Variants in TMPRSS11F observed in about 807,000 individuals in gnomAD.
TMPRSS11F encodes the protein transmembrane serine protease 11F.
Under a neutral mutation model 60.2 loss-of-function variants are expected in TMPRSS11F, and 47 were observed. The ratio of observed to expected loss-of-function variants is 0.78; its 90% CI spans 0.62 to 1.00. TMPRSS11F has a LOEUF of 1.00. Ranked by LOEUF, TMPRSS11F falls within the 50% of genes least tolerant of loss-of-function variation. The pLI is 0.00. For missense variants in TMPRSS11F, 519 were observed against 522.9 expected, an observed-to-expected ratio of 0.99 and a Z score of 0.07; for synonymous variants, 166 against 167.3, an observed-to-expected ratio of 0.99 and a Z score of 0.06.
At chr4:68,087,018 T>A (rs534945135) in intron 3 of TMPRSS11F, among the ~76,000 whole-genome samples, 72 of 152,216 alleles carry the variant, frequency 4.7e-4, no homozygotes, top group African/African-American at 1.7e-3. Flanking sequence ...CCCTAATTCA[T>A]TCAACAAAGC....
intron 9 of TMPRSS11F, among the ~76,000 whole-genome samples, chr4:68,057,429 T>C (rs1400347736): frequency 1.3e-5 from 2 of 151,908 alleles, no homozygotes; most frequent in Non-Finnish European, 2.9e-5. Flanking sequence ...AAAAACTCCA[T>C]GACATTGGTT....
intron 8 of TMPRSS11F, chr4:68,062,648 T>C: frequency 1.3e-6 from 1 of 785,952 alleles, no homozygotes. Context: ...GAGACCTAAA[T>C]AAATCCAGCC....
chr4:68,091,098 C>G (rs527603454), intron 2 of TMPRSS11F, among the ~76,000 whole-genome samples: 69 of 152,162 alleles, frequency 4.5e-4, no homozygotes, highest in African/African-American at 1.6e-3. Flanking sequence ...TTGTTTTCAC[C>G]TTCTTTTTTT....
chr4:68,058,139 A>G (rs1475481374), intron 9 of TMPRSS11F, among the ~76,000 whole-genome samples: 1 of 152,132 alleles, frequency 6.6e-6, no homozygotes, highest in Non-Finnish European at 1.5e-5. Flanking sequence ...GAGAAGGAAT[A>G]AGTTTTGAGA....
At chr4:68,085,517 T>C (rs972091232) in intron 3 of TMPRSS11F, among the ~76,000 whole-genome samples, 3 of 152,204 alleles carry the variant, frequency 2.0e-5, no homozygotes, top group South Asian at 2.1e-4. Flanking sequence ...AAAGCCACTA[T>C]ACAATCATCT....
intron 1 of TMPRSS11F, among the ~76,000 whole-genome samples, chr4:68,127,731 T>C (rs903708235): frequency 2.6e-5 from 4 of 152,072 alleles, no homozygotes; most frequent in African/African-American, 7.2e-5. Context: ...TGTCTATATA[T>C]GAATCTGAAT....
At chr4:68,062,334 T>G in intron 8 of TMPRSS11F, 1 of 461,726 alleles carries the variant, frequency 2.2e-6, no homozygotes, top group South Asian at 1.7e-5. Flanking sequence ...TGTACGTTTC[T>G]CAGTTTCCCA....
chr4:68,111,663 T>A (rs1724411921), intron 1 of TMPRSS11F, among the ~76,000 whole-genome samples: 1 of 152,182 alleles, frequency 6.6e-6, no homozygotes, highest in Non-Finnish European at 1.5e-5. Flanking sequence ...GGAAATGAAA[T>A]TTGTGTTATT....
intron 1 of TMPRSS11F, among the ~76,000 whole-genome samples, chr4:68,117,088 C>T (rs999986620): frequency 1.3e-5 from 2 of 152,040 alleles, no homozygotes; most frequent in African/African-American, 2.4e-5. Flanking sequence ...TATTTGCAAG[C>T]CATGTATTTG....
Position 68,053,693 on chromosome 4 carries a change from G to C in TMPRSS11F, c.*216C>G, listed in dbSNP as rs1722985998. On this transcript the variant is annotated 3_prime_UTR_variant, in exon 10 of 10. Coordinates refer to ENST00000356291, the MANE Select transcript of TMPRSS11F (RefSeq NM_207407.2). ...TTTCCCTTGTGAGTAAGGAATAGGT[G>C]CTGTCTGTCATTTGCTGTGTCTTCT... 2.3e-6 allele frequency: 1 copy of C among 430,748 alleles called. No individual in the cohort carries two copies. Among genetic ancestry groups the C allele is most frequent in the Non-Finnish European group, 4.1e-6 (1 of 243,622 alleles). 26.7% of individuals were successfully genotyped at this position (430,748 alleles called of 1,614,324 possible).
chr4:68,090,112 A>G (rs1018219925), intron 3 of TMPRSS11F, among the ~76,000 whole-genome samples: 2 of 152,134 alleles, frequency 1.3e-5, no homozygotes, highest in Non-Finnish European at 2.9e-5. Context: ...TAATATCAAG[A>G]ATTATAGCTA....
intron 3 of TMPRSS11F, among the ~76,000 whole-genome samples, chr4:68,075,112 G>T (rs1723557174): frequency 6.6e-6 from 1 of 152,150 alleles, no homozygotes; most frequent in South Asian, 2.1e-4. Flanking sequence ...CATCCTGTCA[G>T]AGTAGGGAAA....
intron 6 of TMPRSS11F, among the ~76,000 whole-genome samples, chr4:68,069,507 G>A (rs776719052): frequency 2.5e-4 from 38 of 151,958 alleles, no homozygotes; most frequent in Admixed American, 2.0e-3. Context: ...CATTTTTAAT[G>A]GGCATGTTTG....
intron 1 of TMPRSS11F, among the ~76,000 whole-genome samples, chr4:68,103,023 T>C (rs573734546): frequency 2.6e-5 from 4 of 151,544 alleles, no homozygotes; most frequent in Non-Finnish European, 5.9e-5. Context: ...AGGTTTTAAT[T>C]GCATTCTTTT....
intron 1 of TMPRSS11F, among the ~76,000 whole-genome samples, chr4:68,112,853 C>G (rs1724434691): frequency 6.6e-6 from 1 of 152,112 alleles, no homozygotes; most frequent in South Asian, 2.1e-4. Flanking sequence ...TCCTAAAGGG[C>G]AGAATCTATA....
chr4:68,124,815 T>G (rs989900380), intron 1 of TMPRSS11F, among the ~76,000 whole-genome samples: 1 of 152,168 alleles, frequency 6.6e-6, no homozygotes, highest in Non-Finnish European at 1.5e-5. Flanking sequence ...CTACACTCCG[T>G]TTCGCACTGA....
intron 3 of TMPRSS11F, among the ~76,000 whole-genome samples, chr4:68,083,133 A>T (rs550837139): frequency 6.6e-6 from 1 of 152,328 alleles, no homozygotes; most frequent in South Asian, 2.1e-4. Context: ...CCTTGACAGT[A>T]GGTCAAAGCA....
At chr4:68,102,847 T>C (rs1318114576) in intron 1 of TMPRSS11F, among the ~76,000 whole-genome samples, 1 of 152,154 alleles carries the variant, frequency 6.6e-6, no homozygotes, top group Non-Finnish European at 1.5e-5. Flanking sequence ...ATTTTTGCTT[T>C]TGTGGGTTGA....
At chr4:68,090,156 T>C (rs941086922) in intron 3 of TMPRSS11F, among the ~76,000 whole-genome samples, 14 of 152,070 alleles carry the variant, frequency 9.2e-5, no homozygotes, top group Non-Finnish European at 1.8e-4. Flanking sequence ...TTTTAAGTGC[T>C]GTCAAAATAA....
Sources: gnomAD v4.1 joint callset for allele counts (sites outside exome capture counted in the v4.1 genomes callset) on GRCh38, gnomAD v4.1.1 for gene constraint, MANE v1.5 for transcripts, NCBI Gene and HGNC (gene_info 2026-07-23, HGNC 2026-07-21) for gene names.